The following MEGF11 variants were observed in gnomAD, a reference collection of about 807,000 sequenced individuals.
MEGF11 encodes multiple epidermal growth factor-like domains protein 11.
MEGF11 carries 126 observed loss-of-function variants against 146.6 expected under a neutral mutation model. The ratio of observed to expected loss-of-function variants is 0.86; its 90% CI spans 0.74 to 1.00. The LOEUF (loss-of-function observed/expected upper bound fraction) is 1.00. Ranked by LOEUF, MEGF11 falls within the 50% of genes least tolerant of loss-of-function variation. The pLI, the probability that MEGF11 is intolerant of heterozygous loss-of-function variation, is 0.00. For missense variants in MEGF11, 1,509 were observed against 1,521.2 expected (o/e 0.99, Z 0.13); for synonymous variants, 532 against 583.4 (o/e 0.91, Z 1.27).
intron 5 of MEGF11, among the ~76,000 whole-genome samples, chr15:65,984,692 G>T (rs902984822): frequency 6.6e-6 from 1 of 152,090 alleles, no homozygotes; most frequent in African/African-American, 2.4e-5. Context: ...CCAAGCACAC[G>T]TAGTTGAATT....
At chr15:66,053,269 A>C (rs768003384) in intron 5 of MEGF11, among the ~76,000 whole-genome samples, 3 of 152,240 alleles carry the variant, frequency 2.0e-5, no homozygotes, top group Non-Finnish European at 2.9e-5. Flanking sequence ...GCATAGAGCC[A>C]GATATAAGTA....
chr15:65,980,534 G>A (rs566544601), intron 7 of MEGF11, among the ~76,000 whole-genome samples: 2 of 151,236 alleles, frequency 1.3e-5, no homozygotes, highest in African/African-American at 2.4e-5. Flanking sequence ...GAGTAGCTGA[G>A]ATTACAGACG....
At chr15:66,053,359 T>C (rs1303060719) in intron 5 of MEGF11, among the ~76,000 whole-genome samples, 2 of 152,188 alleles carry the variant, frequency 1.3e-5, no homozygotes, top group Non-Finnish European at 2.9e-5. Flanking sequence ...TCTTCATTGA[T>C]TGTGACTTTA....
At chr15:65,930,209 G>T (rs1299564204) in intron 11 of MEGF11, among the ~76,000 whole-genome samples, 1 of 152,132 alleles carries the variant, frequency 6.6e-6, no homozygotes, top group African/African-American at 2.4e-5. Context: ...CTCTGTTTGA[G>T]GGACGTCTGA....
At chr15:65,970,204 A>G (rs2081256540) in intron 8 of MEGF11, among the ~76,000 whole-genome samples, 1 of 149,512 alleles carries the variant, frequency 6.7e-6, no homozygotes, top group Admixed American at 6.7e-5. Flanking sequence ...ATCGTGCAAA[A>G]CATATGAATG....
chr15:65,909,309 G>A (rs559290005), intron 22 of MEGF11, among the ~76,000 whole-genome samples, 174 bp from the exon 23 acceptor site: 1 of 152,160 alleles, frequency 6.6e-6, no homozygotes, highest in African/African-American at 2.4e-5. Context: ...CAGGGGCTCT[G>A]TTAGAGCCAA....
chr15:66,099,278 G>A (rs1043309620), intron 4 of MEGF11, among the ~76,000 whole-genome samples: 1 of 140,910 alleles, frequency 7.1e-6, no homozygotes, highest in African/African-American at 2.7e-5. Context: ...TGCCTCCCAG[G>A]TTCAAGTGAT....
At chr15:65,904,100 C>A (rs145137705) in intron 24 of MEGF11, among the ~76,000 whole-genome samples, 365 of 152,292 alleles carry the variant, frequency 2.4e-3, no homozygotes, top group Non-Finnish European at 4.5e-3. Flanking sequence ...GATTGCGAAT[C>A]TGAAAGTAAC....
chr15:66,035,168 T>C (rs2083681195), intron 5 of MEGF11, among the ~76,000 whole-genome samples: 2 of 152,146 alleles, frequency 1.3e-5, no homozygotes, highest in Admixed American at 1.3e-4. Context: ...GTACCCAGAG[T>C]ATGCAGCAAA....
intron 1 of MEGF11, among the ~76,000 whole-genome samples, chr15:66,144,370 T>A (rs2089286829): frequency 6.6e-6 from 1 of 152,086 alleles, no homozygotes; most frequent in Admixed American, 6.5e-5. Flanking sequence ...GGGATGACCT[T>A]GTTCTTTCTT....
chr15:66,211,346 AC>A (rs1267146418), intron 1 of MEGF11, among the ~76,000 whole-genome samples: 3 of 151,956 alleles, frequency 2.0e-5, no homozygotes, highest in Non-Finnish European at 2.9e-5. Context: ...ACACGGTGAA[AC>A]CCCGTCTCTA....
intron 9 of MEGF11, among the ~76,000 whole-genome samples, chr15:65,962,359 C>T (rs1008688886): frequency 1.3e-5 from 2 of 152,142 alleles, no homozygotes; most frequent in African/African-American, 4.8e-5. Context: ...GGACATCCGG[C>T]AATGTCTGGA....
At chr15:66,175,254 A>G (rs1457455085) in intron 1 of MEGF11, among the ~76,000 whole-genome samples, 3 of 152,190 alleles carry the variant, frequency 2.0e-5, no homozygotes, top group Admixed American at 6.5e-5. Context: ...GGTGAAAGCA[A>G]TCTACAGATC....
intron 5 of MEGF11, among the ~76,000 whole-genome samples, chr15:66,057,401 CAAGTT>C (rs1036690386): frequency 6.6e-6 from 1 of 152,050 alleles, no homozygotes; most frequent in Non-Finnish European, 1.5e-5. Context: ...GACAGTGTAA[CAAGTT>C]AATTCGTCAC....
At chr15:65,898,199 T>TA in intron 25 of MEGF11, 105 bp from the exon 26 acceptor site, 1 of 1,468,008 alleles carries the variant, frequency 6.8e-7, no homozygotes, top group Non-Finnish European at 9.0e-7. Flanking sequence ...GCCAGGGATT[T>TA]ATAAATCTAT....
chr15:66,242,303 G>A (rs963176608), intron 1 of MEGF11, among the ~76,000 whole-genome samples: 5 of 151,736 alleles, frequency 3.3e-5, no homozygotes, highest in Admixed American at 3.3e-4. Context: ...CAGCTACTTG[G>A]GAGGTTGAGG....
chr15:65,908,939 C>A, intron 23 of MEGF11, 95 bp downstream of exon 23: 1 of 739,730 alleles, frequency 1.4e-6, no homozygotes. Flanking sequence ...AGTTCTGGGA[C>A]CACAGGGTGG....
At chr15:66,171,270 A>T (rs1244321032) in intron 1 of MEGF11, among the ~76,000 whole-genome samples, 1 of 152,180 alleles carries the variant, frequency 6.6e-6, no homozygotes, top group Non-Finnish European at 1.5e-5. Flanking sequence ...GTATCTGCTC[A>T]ACCACGGGGG....
rs146848004 is a variant in MEGF11 at position 66,190,070 on chromosome 15, A to G, written c.-8-61659T>C. Among the ~76,000 whole-genome samples, 28 of 152,216 alleles carry G rather than the reference A, an allele frequency of 1.8e-4. No homozygotes were observed. In the East Asian group the frequency reaches 2.1e-3, roughly 12 times the overall value. ...CTGGAATCATCAGGACGCTTTCAGAACTCCTGAAGCTCATATGGGCCCCCA... is the reference window on the plus strand; with the variant it reads ...CTGGAATCATCAGGACGCTTTCAGAGCTCCTGAAGCTCATATGGGCCCCCA... On this transcript the variant is annotated intron_variant, in intron 1 of 25. Coordinates refer to ENST00000395614, the MANE Select transcript of MEGF11 (RefSeq NM_001385028.1).
Sources: gnomAD v4.1 joint callset for allele counts (sites outside exome capture counted in the v4.1 genomes callset) on GRCh38, gnomAD v4.1.1 for gene constraint, MANE v1.5 for transcripts, NCBI Gene and HGNC (gene_info 2026-07-23, HGNC 2026-07-21) for gene names.